The following PREP variants were observed in gnomAD, a reference collection of about 807,000 sequenced individuals.
PREP encodes dJ355L5.1 (prolyl endopeptidase).
A neutral mutation model predicts 87.6 loss-of-function variants in PREP; 29 were observed. The observed-to-expected ratio is 0.33, with a 90% CI of 0.25 to 0.45. The LOEUF (loss-of-function observed/expected upper bound fraction) is 0.45. Among genes scored for constraint, PREP ranks in the 20% least tolerant of loss-of-function variants. PREP has a pLI of 1.00. For missense variants in PREP, 695 were observed against 886.5 expected (o/e 0.78, Z 2.74); for synonymous variants, 337 against 328.6 (o/e 1.03, Z -0.28).
chr6:105,322,761 C>A, intron 10 of PREP: 1 of 1,046,264 alleles, frequency 9.6e-7, no homozygotes, highest in Admixed American at 4.8e-5. Context: ...ACACCAAATC[C>A]AGCCCACCAC....
At chr6:105,309,863 T>C (rs1211490) in intron 10 of PREP, among the ~76,000 whole-genome samples, 11,016 of 152,238 alleles carry the variant, frequency 0.072, 1,341 homozygotes, top group African/African-American at 0.25. Flanking sequence ...AGAACCAAAC[T>C]ATCAATGCAC....
chr6:105,384,007 C>T (rs913879242), intron 2 of PREP, among the ~76,000 whole-genome samples: 3 of 152,104 alleles, frequency 2.0e-5, no homozygotes, highest in East Asian at 1.9e-4. Flanking sequence ...TTAGAAAATA[C>T]GAAGAAATAA....
intron 6 of PREP, among the ~76,000 whole-genome samples, chr6:105,366,569 C>T (rs1772390302): frequency 1.3e-5 from 2 of 152,244 alleles, no homozygotes; most frequent in African/African-American, 4.8e-5. Context: ...TTTTTATTTG[C>T]CTAGCTAGCA....
At chr6:105,290,411 G>A (rs1206985105) in intron 10 of PREP, among the ~76,000 whole-genome samples, 1 of 151,980 alleles carries the variant, frequency 6.6e-6, no homozygotes, top group Non-Finnish European at 1.5e-5. Context: ...TACCTTCACT[G>A]TTCGAAAAAT....
At chr6:105,315,330 A>C (rs2114638071) in intron 10 of PREP, among the ~76,000 whole-genome samples, 1 of 152,172 alleles carries the variant, frequency 6.6e-6, no homozygotes, top group East Asian at 1.9e-4. Context: ...TGCTTGGCTA[A>C]TTTTTAAATT....
chr6:105,295,781 T>G (rs779927663), intron 10 of PREP, among the ~76,000 whole-genome samples: 1 of 152,228 alleles, frequency 6.6e-6, no homozygotes, highest in Non-Finnish European at 1.5e-5. Flanking sequence ...TCCTCTTCAC[T>G]TAGCAATTTA....
chr6:105,368,874 G>A, intron 6 of PREP, 29 bp downstream of exon 6: 4 of 1,611,678 alleles, frequency 2.5e-6, no homozygotes, highest in Non-Finnish European at 3.4e-6. Context: ...CACAGTCTTT[G>A]GGGGTAAAAT....
intron 10 of PREP, among the ~76,000 whole-genome samples, chr6:105,306,911 G>A (rs74838599): frequency 0.023 from 3,441 of 152,254 alleles, 132 homozygotes; most frequent in African/African-American, 0.08. Context: ...CTCCAACCAG[G>A]CTACTTGCTT....
At position 105,278,383 on chromosome 6, in the gene PREP, A is replaced by G; in HGVS notation, c.1894T>C (p.Ser632Pro). ...LPEADDIQYPSMLLLTADHDD... is the reference protein window; with the variant it reads ...LPEADDIQYPPMLLLTADHDD... ...TGGTCAGCAGTGAGGAGCAGCATGG[A>G]CGGGTACTGGATGTCATCTGCTTCT... Residue 632 changes from serine to proline, a missense_variant, in exon 15 of 15, where the codon TCC becomes CCC. By Grantham distance (74) the Ser-to-Pro change is moderately conservative. Around this residue, in one of 5 missense-constraint regions of PREP, gnomAD observed 121 missense variants for 154.8 expected, o/e 0.78. Coordinates refer to ENST00000652536, the MANE Select transcript of PREP (RefSeq NM_002726.5). The surrounding 1 kb of genome is among the most constrained non-coding windows in gnomAD (Gnocchi z 4.2). 6.2e-7 allele frequency: 1 copy of G among 1,614,188 alleles called. No individual in the cohort carries two copies. Among genetic ancestry groups the G allele is most frequent in the Non-Finnish European group, 8.5e-7 (1 of 1,180,014 alleles).
chr6:105,345,351 T>A (rs1407099007), intron 7 of PREP, among the ~76,000 whole-genome samples: 1 of 152,162 alleles, frequency 6.6e-6, no homozygotes, highest in Non-Finnish European at 1.5e-5. Context: ...TTCCCAAACC[T>A]CTCTGCATTC....
rs1772067491 is a variant in PREP at position 105,355,289 on chromosome 6, T to C, written c.718-2212A>G. Among the ~76,000 whole-genome samples the C allele has an allele frequency of 2.6e-5, 4 of 152,164 alleles. No homozygotes were observed. The South Asian group carries it at 8.3e-4, about 32-fold the overall frequency. On this transcript the variant is annotated intron_variant, in intron 6 of 14. Coordinates refer to ENST00000652536, the MANE Select transcript of PREP (RefSeq NM_002726.5). ...TTAGTAGAGACGGAGTTTCACCATGTTGGTCAGTCTGGTCTTGAACTTCTG... is the reference window on the plus strand; with the variant it reads ...TTAGTAGAGACGGAGTTTCACCATGCTGGTCAGTCTGGTCTTGAACTTCTG...
chr6:105,389,432 A>G (rs1773083401), intron 2 of PREP, among the ~76,000 whole-genome samples: 2 of 152,220 alleles, frequency 1.3e-5, no homozygotes. Flanking sequence ...TTGCAACAGA[A>G]GCAACATCGG....
intron 10 of PREP, among the ~76,000 whole-genome samples, chr6:105,295,953 TTAGA>T (rs1382404801): frequency 6.6e-6 from 1 of 152,230 alleles, no homozygotes; most frequent in Admixed American, 6.5e-5. Context: ...TAAATTCCTT[TTAGA>T]TAAATCTGGT....
At chr6:105,369,535 T>C (rs935314491) in intron 5 of PREP, among the ~76,000 whole-genome samples, 2 of 152,214 alleles carry the variant, frequency 1.3e-5, no homozygotes, top group African/African-American at 4.8e-5. Flanking sequence ...GTTGGAGGAC[T>C]GGCACCTAAC....
chr6:105,294,847 T>C (rs148525483), intron 10 of PREP, among the ~76,000 whole-genome samples: 3 of 152,222 alleles, frequency 2.0e-5, no homozygotes, highest in African/African-American at 7.2e-5. Context: ...AAAACTCTTA[T>C]GAAGACGTTC....
Position 105,278,273 on chromosome 6 carries a change from G to T in PREP, c.2004C>A (p.Asn668Lys), listed in dbSNP as rs34687658. ...TGGTGTCCACGTGGATAAGCAGGGG[G>T]TTGCTTTGCTTCCTGCTGCGGCCCA... ...YIVGRSRKQS[N>K]PLLIHVDTKA... Residue 668 changes from asparagine to lysine, a missense_variant, in exon 15 of 15, where the codon AAC (asparagine) becomes AAA (lysine). By Grantham distance (94) the Asn-to-Lys change is moderately conservative (BLOSUM62 0). Transcript: ENST00000652536. The surrounding 1 kb of genome is among the most constrained non-coding windows in gnomAD (Gnocchi z 4.2). The T allele has an allele frequency of 4.3e-6, 7 of 1,614,248 alleles. No individual in the cohort carries two copies. Among genetic ancestry groups the T allele is most frequent in the East Asian group, 2.2e-5 (1 of 44,882 alleles).
At chr6:105,325,482 C>T (rs1484369784) in intron 9 of PREP, among the ~76,000 whole-genome samples, 8 of 152,146 alleles carry the variant, frequency 5.3e-5, no homozygotes, top group Non-Finnish European at 1.5e-5. Flanking sequence ...CAAATCTAAC[C>T]ACAGAATGAA....
chr6:105,312,213 G>C (rs1770772461), intron 10 of PREP, among the ~76,000 whole-genome samples: 1 of 152,138 alleles, frequency 6.6e-6, no homozygotes, highest in South Asian at 2.1e-4. Context: ...AAAGCATGCT[G>C]TTTAAAGACA....
At chr6:105,367,476 A>G (rs1361137528) in intron 6 of PREP, among the ~76,000 whole-genome samples, 2 of 152,188 alleles carry the variant, frequency 1.3e-5, no homozygotes, top group African/African-American at 4.8e-5. Context: ...GATCGAGACC[A>G]TCCCGGCTAA....
Sources: allele counts gnomAD v4.1 joint callset (sites outside exome capture counted in the v4.1 genomes callset), GRCh38; gene constraint gnomAD v4.1.1; regional missense constraint gnomAD v4.1.1; non-coding constraint Gnocchi (gnomAD v3.1); transcripts MANE v1.5; gene names NCBI Gene and HGNC (gene_info 2026-07-23, HGNC 2026-07-21).